MDN1: variants seen among roughly 807,000 people sequenced by gnomAD.
MDN1 encodes the protein midasin.
A neutral mutation model predicts 669.2 loss-of-function variants in MDN1; 266 were observed. That is an observed-to-expected ratio of 0.40 (90% CI 0.36 to 0.44). The LOEUF (loss-of-function observed/expected upper bound fraction) is 0.44, where lower values mean the gene tolerates loss of function less well. Among genes scored for constraint, MDN1 ranks in the 20% least tolerant of loss-of-function variants. MDN1 has a pLI of 1.00. For synonymous variants in MDN1, 2,385 were observed against 2,457.1 expected (o/e 0.97, Z 0.87); for missense variants, 5,940 against 6,754.0 (o/e 0.88, Z 4.22).
chr6:89,652,823 C>T (rs952731712), intron 94 of MDN1, among the ~76,000 whole-genome samples, 169 bp downstream of exon 94: 1 of 152,210 alleles, frequency 6.6e-6, no homozygotes, highest in South Asian at 2.1e-4. Context: ...GCTTGAAGAA[C>T]ACCTATCATA....
At chr6:89,670,095 T>C (rs1349240467) in intron 83 of MDN1, among the ~76,000 whole-genome samples, 1 of 129,804 alleles carries the variant, frequency 7.7e-6, no homozygotes, top group Non-Finnish European at 1.6e-5. Context: ...CACGTGGAGA[T>C]TACAATTACA....
intron 85 of MDN1, among the ~76,000 whole-genome samples, chr6:89,663,936 C>T (rs1240686777): frequency 2.9e-5 from 2 of 67,940 alleles, no homozygotes; most frequent in South Asian, 6.4e-4. Context: ...AGCGAGACTC[C>T]GTCTTAAAAA....
intron 1 of MDN1, among the ~76,000 whole-genome samples, chr6:89,816,638 T>C (rs1768854974): frequency 6.6e-6 from 1 of 151,928 alleles, no homozygotes; most frequent in African/African-American, 2.4e-5. Context: ...GAGGCTTCAT[T>C]TGCATAATAT....
chr6:89,796,324 C>CAAAAAA (rs35169575), intron 2 of MDN1, among the ~76,000 whole-genome samples: 7 of 45,370 alleles, frequency 1.5e-4, no homozygotes, highest in African/African-American at 2.9e-4. Flanking sequence ...AACTCTGTCT[C>CAAAAAA]AAAAAAAAAA....
At chr6:89,726,193 G>C (rs995303086) in intron 37 of MDN1, among the ~76,000 whole-genome samples, 1 of 152,098 alleles carries the variant, frequency 6.6e-6, no homozygotes, top group African/African-American at 2.4e-5. Context: ...AGGAGTGGTG[G>C]CTCATGCCTG....
At chr6:89,729,749 C>T (rs1034065697) in intron 35 of MDN1, among the ~76,000 whole-genome samples, 1 of 150,046 alleles carries the variant, frequency 6.7e-6, no homozygotes, top group Non-Finnish European at 1.5e-5. Flanking sequence ...TTACCTCACC[C>T]TTGGTAGCAG....
At position 89,758,926 on chromosome 6, in the gene MDN1, C is replaced by T; in HGVS notation, c.2495G>A (p.Trp832Ter). The T allele has an allele frequency of 5.0e-6, 8 of 1,613,826 alleles. No homozygotes were observed. Among genetic ancestry groups the T allele is most frequent in the Non-Finnish European group, 6.8e-6 (8 of 1,179,712 alleles). The change falls in exon 18 of 102, where the codon TGG becomes TAG. Residue 832 changes from tryptophan to a stop codon, truncating the protein, a stop_gained. Coordinates refer to ENST00000369393, the MANE Select transcript of MDN1 (RefSeq NM_014611.3). LOFTEE classifies it high-confidence loss of function. ...CAAGTTAATCTCATCCAACAAGATC[C>T]ACTCTCCTTTCTTTACAGCCTGAGC... ...TLAQAVKKGE[W>*]ILLDEINLAA...
intron 9 of MDN1, among the ~76,000 whole-genome samples, chr6:89,783,115 C>T (rs368958933): frequency 6.6e-6 from 1 of 152,112 alleles, no homozygotes; most frequent in Non-Finnish European, 1.5e-5. Flanking sequence ...CAAGGACAGA[C>T]AACCATAAGG....
At chr6:89,785,203 G>C (rs1818894630) in intron 8 of MDN1, 77 bp from the exon 9 acceptor site, 16 of 927,276 alleles carry the variant, frequency 1.7e-5, no homozygotes, top group Non-Finnish European at 2.8e-5. Flanking sequence ...GATATTACTT[G>C]CTGTACACTG....
In MDN1 at chr6:89,648,600, G is replaced by GCTCAA. The variant is rs1468221566; in HGVS notation, c.16207-272_16207-271insTTGAG. Among the ~76,000 whole-genome samples the GCTCAA allele has an allele frequency of 2.0e-5, 3 of 152,034 alleles. No homozygotes were observed. The East Asian group carries it at 5.8e-4, about 30-fold the overall frequency. On this transcript the variant is annotated intron_variant, in intron 97 of 101. Transcript: ENST00000369393. ...GTGACCTTGAGGGCCAGGCGTGGTA[G>GCTCAA]CTCACACCTGTAATCCCAGCACTTT...
In MDN1 at chr6:89,688,877, G is replaced by T. The variant is rs1812197684; in HGVS notation, c.11024-69C>A. Reference sequence around the variant, plus strand: ...TGATCTATCAACATGTCAAAAAGATGTCAGCAACAGGGCCAGGTGCAGTGG... The same window carrying T: ...TGATCTATCAACATGTCAAAAAGATTTCAGCAACAGGGCCAGGTGCAGTGG... On this transcript the variant is annotated intron_variant, in intron 65 of 101. Transcript: ENST00000369393. 3.9e-6 allele frequency: 5 copies of T among 1,298,184 alleles called. 1 individual carries two copies. In the South Asian group the frequency reaches 5.3e-5, roughly 14 times the overall value. The allele number at this position is 1,298,184 out of a possible 1,614,324, so 80.4% of individuals were successfully genotyped here.
intron 2 of MDN1, among the ~76,000 whole-genome samples, chr6:89,795,615 T>C (rs1333133520): frequency 6.6e-6 from 1 of 152,090 alleles, no homozygotes; most frequent in African/African-American, 2.4e-5. Context: ...CTGCAAACCC[T>C]TCGCTAGATT....
chr6:89,691,030 C>A (rs1812344764), intron 63 of MDN1, among the ~76,000 whole-genome samples, 196 bp from the exon 64 acceptor site: 1 of 152,194 alleles, frequency 6.6e-6, no homozygotes, highest in African/African-American at 2.4e-5. Context: ...CCTCAGCAAC[C>A]AGTTTCCTAA....
chr6:89,670,178 T>A (rs1446612351), intron 83 of MDN1, among the ~76,000 whole-genome samples: 7 of 78,106 alleles, frequency 9.0e-5, no homozygotes, highest in African/African-American at 1.5e-4. Context: ...ATATTTTTTT[T>A]TTTTTTTTTT....
chr6:89,785,831 C>T (rs1054981634), intron 8 of MDN1, among the ~76,000 whole-genome samples: 30 of 152,178 alleles, frequency 2.0e-4, no homozygotes, highest in African/African-American at 6.8e-4. Context: ...CAGGGAAGAA[C>T]TTCACTATCT....
intron 31 of MDN1, 74 bp downstream of exon 31, chr6:89,743,076 A>G: frequency 6.4e-7 from 1 of 1,551,210 alleles, no homozygotes; most frequent in Admixed American, 1.9e-5. Context: ...GAGTGAGAAC[A>G]CTGTCTCAGG....
chr6:89,796,941 G>A (rs1261314232), intron 2 of MDN1, among the ~76,000 whole-genome samples: 1 of 152,002 alleles, frequency 6.6e-6, no homozygotes, highest in African/African-American at 2.4e-5. Flanking sequence ...GGTTATGCAA[G>A]CCTGTAATCC....
intron 43 of MDN1, among the ~76,000 whole-genome samples, chr6:89,717,504 G>A (rs182997809): frequency 6.6e-6 from 1 of 152,156 alleles, no homozygotes; most frequent in East Asian, 1.9e-4. Context: ...GTGTTGTCAC[G>A]GTGATTAAAA....
rs1584112090 is a variant in MDN1, at chr6:89,661,518, G to A, written c.14626C>T (p.Pro4876Ser). The change falls in exon 88 of 102, where the codon CCC becomes TCC. Residue 4876 changes from proline to serine, a missense_variant. Pro to Ser is a moderately conservative substitution (Grantham distance 74, BLOSUM62 -1). This residue lies in a region of MDN1 where 2,280 missense variants were observed against 2,576.3 expected (regional missense o/e 0.88). Transcript: ENST00000369393. ...TCATCTGGAAGGTCCAAAGCCTCGG[G>A]TTCTGGCACCTTTTCCTGATTGCCA... is the stretch of plus-strand genomic sequence containing the variant. ...YHGNQEKVPE[P>S]EALDLPDDLN... The A allele has an allele frequency of 6.2e-7, 1 of 1,614,116 alleles. No homozygotes were observed. Among genetic ancestry groups the A allele is most frequent in the Non-Finnish European group, 8.5e-7 (1 of 1,180,004 alleles).
Sources: allele counts gnomAD v4.1 joint callset (sites outside exome capture counted in the v4.1 genomes callset), GRCh38; gene constraint gnomAD v4.1.1; regional missense constraint gnomAD v4.1.1; transcripts MANE v1.5; gene names NCBI Gene and HGNC (gene_info 2026-07-23, HGNC 2026-07-21).